SPTBN1: variants seen among roughly 807,000 people sequenced by gnomAD.
SPTBN1 encodes spectrin beta, non-erythrocytic 1.
Under a neutral mutation model 266.4 loss-of-function variants are expected in SPTBN1, and 32 were observed. The observed-to-expected ratio is 0.12, with a 90% CI of 0.09 to 0.16. The LOEUF (loss-of-function observed/expected upper bound fraction) is 0.16, where lower values mean the gene tolerates loss of function less well. Ranked by LOEUF, SPTBN1 falls within the 10% of genes least tolerant of loss-of-function variation. The pLI is 1.00. For synonymous variants in SPTBN1, 1,336 were observed against 1,162.2 expected (o/e 1.15, Z -3.04); for missense variants, 2,296 against 3,067.1 (o/e 0.75, Z 5.94).
At chr2:54,573,542 G>T (rs1402098167) in intron 2 of SPTBN1, among the ~76,000 whole-genome samples, 1 of 152,186 alleles carries the variant, frequency 6.6e-6, no homozygotes, top group East Asian at 1.9e-4. Flanking sequence ...TGACCTGGGG[G>T]TTGGGGACCC....
chr2:54,541,300 A>G (rs1252564066), intron 2 of SPTBN1, among the ~76,000 whole-genome samples: 2 of 152,204 alleles, frequency 1.3e-5, no homozygotes, highest in African/African-American at 4.8e-5. Context: ...CTGGGCCCCT[A>G]TACACACTGT....
At chr2:54,457,737 T>TG (rs1157280091) in intron 1 of SPTBN1, among the ~76,000 whole-genome samples, 5 of 152,206 alleles carry the variant, frequency 3.3e-5, no homozygotes, top group African/African-American at 1.2e-4. Context: ...GGCCGAGGCC[T>TG]GGAGCTGCTG....
intron 1 of SPTBN1, among the ~76,000 whole-genome samples, chr2:54,493,845 CT>C (rs1281330550): frequency 6.6e-6 from 1 of 152,198 alleles, no homozygotes; most frequent in Non-Finnish European, 1.5e-5. Context: ...CTGGAGACCC[CT>C]GATACCTTAC....
chr2:54,513,109 A>G (rs557426763), intron 1 of SPTBN1, among the ~76,000 whole-genome samples: 4 of 152,050 alleles, frequency 2.6e-5, no homozygotes, highest in African/African-American at 9.6e-5. Flanking sequence ...CTGGAGGCAG[A>G]GGTTGCAGTG....
chr2:54,568,993 C>T (rs1417390254), intron 2 of SPTBN1, among the ~76,000 whole-genome samples: 5 of 152,034 alleles, frequency 3.3e-5, no homozygotes, highest in Non-Finnish European at 7.4e-5. Flanking sequence ...CTAGTGGTGC[C>T]TTCAGGTTTT....
At chr2:54,547,700 G>A (rs367916174) in intron 2 of SPTBN1, among the ~76,000 whole-genome samples, 23 of 152,130 alleles carry the variant, frequency 1.5e-4, no homozygotes, top group African/African-American at 5.1e-4. Context: ...TTGGTAGATG[G>A]TAATTAAAAG....
At position 54,645,288 on chromosome 2, in the gene SPTBN1, C is replaced by A. The variant is rs755387875; in HGVS notation, c.4329C>A (p.Ala1443=). The stretch of plus-strand genomic sequence containing the variant: ...AGATCGAAGAGCTCCAAAGCCAAGC[C>A]CAGGCCCTGAGTCAGGAAGGGAAGA... ...KKEIEELQSQ[A]QALSQEGKST... The change falls in exon 21 of 36, where the codon GCC becomes GCA. Residue 1443 remains alanine, a synonymous_variant. Transcript: ENST00000356805. The surrounding 1 kb of genome is among the most constrained non-coding windows in gnomAD (Gnocchi z 4.3). 6.2e-7 allele frequency: 1 copy of A among 1,614,154 alleles called. No homozygotes were observed. The highest frequency in any genetic ancestry group is 8.5e-7 in the Non-Finnish European group (1 of 1,180,028).
chr2:54,670,409 C>G lies in SPTBN1; in HGVS notation c.*1840C>G, dbSNP rs943833587. The G allele has an allele frequency of 6.2e-6, 2 of 322,708 alleles. No homozygotes were observed. Among genetic ancestry groups the G allele is most frequent in the Non-Finnish European group, 1.1e-5 (2 of 178,698 alleles). The allele number at this position is 322,708 out of a possible 1,614,324, so 20.0% of individuals were successfully genotyped here. On this transcript the variant is annotated 3_prime_UTR_variant, in exon 36 of 36. Coordinates refer to ENST00000356805, the MANE Select transcript of SPTBN1 (RefSeq NM_003128.3). ...GTAAGTTATTCCACAAAGACCATGC[C>G]TAAGGTGGCATCAGCCCTGGGCTCC...
chr2:54,524,460 C>T (rs546619885), intron 1 of SPTBN1, among the ~76,000 whole-genome samples: 30 of 152,256 alleles, frequency 2.0e-4, no homozygotes, highest in Non-Finnish European at 3.1e-4. Flanking sequence ...CAGTCCTTCA[C>T]CAGGCCCTGT....
chr2:54,502,395 C>G (rs1354598309), intron 1 of SPTBN1, among the ~76,000 whole-genome samples: 1 of 152,082 alleles, frequency 6.6e-6, no homozygotes, highest in African/African-American at 2.4e-5. Context: ...GCCCCCCAAC[C>G]CAGCCCTCTG....
chr2:54,653,306 C>A lies in SPTBN1; in HGVS notation c.5578-303C>A. The A allele has an allele frequency of 3.2e-6, 1 of 315,960 alleles. No homozygotes were observed. The highest frequency in any genetic ancestry group is 5.8e-6 in the Non-Finnish European group (1 of 172,786). 19.6% of individuals were successfully genotyped at this position (315,960 alleles called of 1,614,324 possible). A position where few individuals can be genotyped will look rare whatever the true frequency, so the allele number is the denominator to read the frequency against. ...TTGGACTGTATCTGAATATGTCCCACTCAGATATCCCAGGCTGCCTCCAGG... is the reference window on the plus strand; with the variant it reads ...TTGGACTGTATCTGAATATGTCCCAATCAGATATCCCAGGCTGCCTCCAGG... On this transcript the variant is annotated intron_variant, in intron 26 of 35. Transcript: ENST00000356805. This position sits in a 1 kb window ranked among gnomAD's most constrained non-coding sequence, Gnocchi z 5.1.
intron 1 of SPTBN1, among the ~76,000 whole-genome samples, chr2:54,507,209 G>C (rs764234622): frequency 6.6e-6 from 1 of 152,176 alleles, no homozygotes; most frequent in Admixed American, 6.5e-5. Context: ...CTTCTTTTGT[G>C]TATCTTCAGT....
intron 35 of SPTBN1, 140 bp from the exon 36 acceptor site, chr2:54,668,211 G>C: frequency 1.4e-6 from 1 of 719,000 alleles, no homozygotes; most frequent in South Asian, 1.8e-5. Flanking sequence ...TGATAAGGCA[G>C]AGGTGCATTT....
intron 29 of SPTBN1, 128 bp downstream of exon 29, chr2:54,656,126 C>T: frequency 1.4e-6 from 1 of 696,814 alleles, no homozygotes; most frequent in Non-Finnish European, 2.3e-6. Flanking sequence ...TTTTTAGTGC[C>T]CCGTTTCACC....
At chr2:54,650,172 C>T (rs908845376) in intron 26 of SPTBN1, among the ~76,000 whole-genome samples, 183 bp downstream of exon 26, 3 of 152,198 alleles carry the variant, frequency 2.0e-5, no homozygotes, top group Non-Finnish European at 4.4e-5. Context: ...TAAAGGTCTA[C>T]GTTTGCCACA....
rs28364815 is a variant in SPTBN1 at position 54,654,942 on chromosome 2, C to G, written c.5823-128C>G. ...CCCAGCCTAAGCTCAGGGAGTGATT[C>G]AGACCTGAAAGACCATCAGTTTCTT... On this transcript the variant is annotated intron_variant, in intron 27 of 35. Coordinates refer to ENST00000356805, the MANE Select transcript of SPTBN1 (RefSeq NM_003128.3). 563 of 1,288,854 alleles carry G rather than the reference C, an allele frequency of 4.4e-4. 7 individuals carry two copies. In the East Asian group the frequency reaches 0.013, roughly 29 times the overall value. 79.8% of individuals were successfully genotyped at this position (1,288,854 alleles called of 1,614,324 possible). A position where few individuals can be genotyped will look rare whatever the true frequency, so the allele number is the denominator to read the frequency against.
intron 2 of SPTBN1, among the ~76,000 whole-genome samples, chr2:54,577,608 A>G (rs1185862957): frequency 1.3e-5 from 2 of 152,234 alleles, no homozygotes; most frequent in African/African-American, 4.8e-5. Flanking sequence ...AGTACTTTGC[A>G]GTATTGATTC....
At chr2:54,477,249 G>A (rs967225809) in intron 1 of SPTBN1, among the ~76,000 whole-genome samples, 2 of 152,152 alleles carry the variant, frequency 1.3e-5, no homozygotes, top group Non-Finnish European at 2.9e-5. Context: ...TAGTATGGAA[G>A]TTTTCACTTA....
At position 54,471,800 on chromosome 2, in the gene SPTBN1, A is replaced by ATTTTTTTTTTTTT. The variant is rs56043354; in HGVS notation, c.-48+15289_-48+15301dup. Among the ~76,000 whole-genome samples, 192 of 102,682 alleles carry ATTTTTTTTTTTTT rather than the reference A, an allele frequency of 1.9e-3. 3 individuals carry two copies. Among genetic ancestry groups the ATTTTTTTTTTTTT allele is most frequent in the Middle Eastern group, 5.4e-3 (1 of 184 alleles). 67.4% of individuals were successfully genotyped at this position (102,682 alleles called of 152,430 possible). A position where few individuals can be genotyped will look rare whatever the true frequency, so the allele number is the denominator to read the frequency against. On this transcript the variant is annotated intron_variant, in intron 1 of 35. Transcript: ENST00000356805. ...AGAGGTGCTTTCCTCTTTTTTATCG[A>ATTTTTTTTTTTTT]TTTTTTTTTTTTTTTTTTTGCTGTT...
Sources: gnomAD v4.1 joint callset for allele counts (sites outside exome capture counted in the v4.1 genomes callset) on GRCh38, gnomAD v4.1.1 for gene constraint, Gnocchi (gnomAD v3.1) non-coding constraint, MANE v1.5 for transcripts, NCBI Gene and HGNC (gene_info 2026-07-23, HGNC 2026-07-21) for gene names.